HIP1: variants seen among roughly 807,000 people sequenced by gnomAD.
HIP1 encodes huntingtin-interacting protein 1.
Under a neutral mutation model 147.6 loss-of-function variants are expected in HIP1, and 65 were observed. The observed-to-expected ratio is 0.44, with a 90% confidence interval of 0.36 to 0.54. The LOEUF (loss-of-function observed/expected upper bound fraction) is 0.54. HIP1 is among the 20% of genes least tolerant of loss of function. The pLI is 0.00. For synonymous variants in HIP1, 479 were observed against 504.0 expected (o/e 0.95, Z 0.67); for missense variants, 1,061 against 1,299.6 (o/e 0.82, Z 2.82).
chr7:75,737,656 TTC>T (rs1802068668), intron 1 of HIP1, among the ~76,000 whole-genome samples: 1 of 152,178 alleles, frequency 6.6e-6, no homozygotes, highest in Non-Finnish European at 1.5e-5. Flanking sequence ...AAAAGCTCTA[TTC>T]TTTGAAAGAT....
In HIP1 at chr7:75,548,360, A is replaced by T. The variant is rs142034935; in HGVS notation, c.2406+531T>A. ...GGATGTTCTGACACCAAAGTATCTG[A>T]TTCTTGAGGAAACTAATCACCTTCT... is the stretch of plus-strand genomic sequence containing the variant. On this transcript the variant is annotated intron_variant, in intron 23 of 30. Coordinates refer to ENST00000336926, the MANE Select transcript of HIP1 (RefSeq NM_005338.7). Among the ~76,000 whole-genome samples the T allele has an allele frequency of 2.0e-5, 3 of 152,094 alleles. No individual in the cohort carries two copies. The East Asian group carries it at 5.8e-4, about 30-fold the overall frequency.
chr7:75,552,074 A>C (rs1171714159), intron 22 of HIP1, among the ~76,000 whole-genome samples: 1 of 151,818 alleles, frequency 6.6e-6, no homozygotes, highest in Non-Finnish European at 1.5e-5. Context: ...TACTTTTAGT[A>C]GAGATGGGGT....
At chr7:75,647,564 G>A (rs2117178293) in intron 1 of HIP1, among the ~76,000 whole-genome samples, 1 of 152,338 alleles carries the variant, frequency 6.6e-6, no homozygotes, top group East Asian at 1.9e-4. Flanking sequence ...TCCCTTCAGA[G>A]GAAGGGACAC....
intron 8 of HIP1, 21 bp downstream of exon 8, chr7:75,573,740 G>T: frequency 1.2e-6 from 2 of 1,609,040 alleles, no homozygotes; most frequent in Non-Finnish European, 8.5e-7. Flanking sequence ...CATGTAAGAA[G>T]ATCTGGCCCG....
intron 1 of HIP1, among the ~76,000 whole-genome samples, chr7:75,716,919 G>A (rs1452286205): frequency 1.3e-5 from 2 of 148,244 alleles, no homozygotes; most frequent in Non-Finnish European, 3.0e-5. Flanking sequence ...AGGCTCAAGC[G>A]ACCCTCCCAC....
At chr7:75,688,417 C>T (rs1158335632) in intron 1 of HIP1, among the ~76,000 whole-genome samples, 2 of 150,976 alleles carry the variant, frequency 1.3e-5, no homozygotes, top group African/African-American at 2.4e-5. Flanking sequence ...CATCATGCTG[C>T]GTCTGCAGGG....
chr7:75,695,387 A>G (rs1292165251), intron 1 of HIP1, among the ~76,000 whole-genome samples: 1 of 152,074 alleles, frequency 6.6e-6, no homozygotes, highest in Non-Finnish European at 1.5e-5. Flanking sequence ...AATGTTCTAG[A>G]CTTTCAGTTA....
At chr7:75,710,977 T>C (rs1801150868) in intron 1 of HIP1, among the ~76,000 whole-genome samples, 1 of 152,200 alleles carries the variant, frequency 6.6e-6, no homozygotes, top group Admixed American at 6.5e-5. Context: ...AAATTACTCA[T>C]CTTTCATATG....
intron 1 of HIP1, among the ~76,000 whole-genome samples, chr7:75,608,088 C>G (rs1053209532): frequency 6.6e-6 from 1 of 152,122 alleles, no homozygotes; most frequent in Non-Finnish European, 1.5e-5. Context: ...AGGTGGATCA[C>G]GAGGTCAGGA....
intron 1 of HIP1, among the ~76,000 whole-genome samples, chr7:75,690,169 T>C (rs1385650022): frequency 1.1e-4 from 17 of 151,994 alleles, no homozygotes; most frequent in Admixed American, 1.1e-3. Context: ...TTCCAGCTAC[T>C]CAGGAGGCTG....
intron 1 of HIP1, among the ~76,000 whole-genome samples, chr7:75,599,832 C>A (rs587749576): frequency 7.0e-6 from 1 of 143,564 alleles, no homozygotes; most frequent in African/African-American, 2.7e-5. Context: ...TTTTTAAAAT[C>A]GTTAACTTTT....
In HIP1 at chr7:75,570,825, G is replaced by T. The variant is rs587715889; in HGVS notation, c.746-2569C>A. On this transcript the variant is annotated intron_variant, in intron 8 of 30. Coordinates refer to ENST00000336926, the MANE Select transcript of HIP1 (RefSeq NM_005338.7). Reference sequence around the variant, plus strand: ...AGTTCGAGACAAGCCTGGCCAACAGGATGAAACCCTGTCTCTACTAAAAAC... The same window carrying T: ...AGTTCGAGACAAGCCTGGCCAACAGTATGAAACCCTGTCTCTACTAAAAAC... 6.6e-5 allele frequency among the ~76,000 whole-genome samples: 10 copies of T among 151,868 alleles called. No homozygotes were observed. The South Asian group carries it at 2.1e-3, about 32-fold the overall frequency.
chr7:75,594,157 G>C (rs1796602285), intron 2 of HIP1, among the ~76,000 whole-genome samples: 1 of 152,130 alleles, frequency 6.6e-6, no homozygotes, highest in South Asian at 2.1e-4. Context: ...GCGCATGCCT[G>C]TAATCCCAGC....
intron 22 of HIP1, among the ~76,000 whole-genome samples, chr7:75,551,158 A>G (rs922733745): frequency 4.8e-4 from 58 of 120,096 alleles, no homozygotes; most frequent in African/African-American, 1.8e-3. Context: ...AACTAACTCT[A>G]TTATTTAGGG....
intron 16 of HIP1, 89 bp from the exon 17 acceptor site, chr7:75,556,900 G>A: frequency 1.2e-6 from 1 of 831,168 alleles, no homozygotes; most frequent in Non-Finnish European, 2.0e-6. Flanking sequence ...CGATCAACAA[G>A]AGATCTGTAA....
chr7:75,621,544 T>C (rs1370080276), intron 1 of HIP1, among the ~76,000 whole-genome samples: 1 of 152,154 alleles, frequency 6.6e-6, no homozygotes, highest in Non-Finnish European at 1.5e-5. Flanking sequence ...GGTGAGCCAG[T>C]GTGCCTGGCC....
At chr7:75,635,090 CTG>C (rs749418490) in intron 1 of HIP1, among the ~76,000 whole-genome samples, 9 of 152,040 alleles carry the variant, frequency 5.9e-5, no homozygotes, top group Non-Finnish European at 1.0e-4. Context: ...ACTGTGTACT[CTG>C]TGTGTTTAGT....
chr7:75,603,747 A>T (rs1478105582), intron 1 of HIP1, among the ~76,000 whole-genome samples: 2 of 151,594 alleles, frequency 1.3e-5, no homozygotes, highest in Non-Finnish European at 2.9e-5. Flanking sequence ...GTGGTGCACA[A>T]CTGTAGTCCC....
intron 9 of HIP1, among the ~76,000 whole-genome samples, chr7:75,564,998 C>T (rs377284145): frequency 2.0e-5 from 3 of 151,956 alleles, no homozygotes; most frequent in East Asian, 1.9e-4. Context: ...TGGGCTCAAG[C>T]GATCCTCCCA....
Sources: allele counts gnomAD v4.1 joint callset (sites outside exome capture counted in the v4.1 genomes callset), GRCh38; gene constraint gnomAD v4.1.1; transcripts MANE v1.5; gene names NCBI Gene and HGNC (gene_info 2026-07-23, HGNC 2026-07-21).